DCAF6: variants seen among roughly 807,000 people sequenced by gnomAD.
DCAF6 encodes DDB1 and CUL4 associated factor 6, also known as DDB1- and CUL4-associated factor 6.
DCAF6 carries 54 observed loss-of-function variants against 125.1 expected under a neutral mutation model. The ratio of observed to expected loss-of-function variants is 0.43; its 90% CI spans 0.35 to 0.54. The LOEUF is 0.54. Ranked by LOEUF, DCAF6 falls within the 20% of genes least tolerant of loss-of-function variation. The pLI is 0.01. For synonymous variants in DCAF6, 371 were observed against 390.4 expected (o/e 0.95, Z 0.58); for missense variants, 934 against 1,161.7 (o/e 0.80, Z 2.85).
chr1:168,011,914 A>G (rs960259090), intron 10 of DCAF6, among the ~76,000 whole-genome samples: 2 of 152,192 alleles, frequency 1.3e-5, no homozygotes, highest in Non-Finnish European at 2.9e-5. Flanking sequence ...CAGAGGTTGC[A>G]GTGAGCCGAG....
intron 7 of DCAF6, among the ~76,000 whole-genome samples, chr1:167,994,087 ATAAT>A (rs1197086388): frequency 1.3e-5 from 2 of 151,974 alleles, no homozygotes; most frequent in Non-Finnish European, 2.9e-5. Flanking sequence ...TTAATAGTAA[ATAAT>A]TACTAGCGTC....
intron 1 of DCAF6, among the ~76,000 whole-genome samples, chr1:167,939,439 T>G (rs1488861600): frequency 1.3e-5 from 2 of 152,176 alleles, no homozygotes; most frequent in Non-Finnish European, 2.9e-5. Context: ...TAATTTTATT[T>G]TTATTATTAG....
intron 16 of DCAF6, among the ~76,000 whole-genome samples, 182 bp downstream of exon 16, chr1:168,045,409 C>T (rs1689044094): frequency 6.6e-6 from 1 of 152,136 alleles, no homozygotes; most frequent in African/African-American, 2.4e-5. Flanking sequence ...ATTCTTTGAG[C>T]ACTGTGCATT....
chr1:168,038,357 A>C lies in DCAF6; in HGVS notation c.1610-14A>C, dbSNP rs767281011. ...TTCAGAGACTTTTTCAAATGTTTTA[A>C]ACACAATTTTCAGATAACAATAATG... On this transcript the variant is annotated splice_polypyrimidine_tract_variant and intron_variant, in intron 12 of 21. Transcript: ENST00000367840. 1.0e-5 allele frequency: 16 copies of C among 1,588,744 alleles called. No homozygotes were observed. The Middle Eastern group carries it at 8.3e-4, about 83-fold the overall frequency.
In DCAF6 at chr1:168,041,286, C is replaced by T. The variant is rs182726347; in HGVS notation, c.1728-1739C>T. Among the ~76,000 whole-genome samples the T allele has an allele frequency of 6.6e-5, 10 of 151,988 alleles. No individual in the cohort carries two copies. In the East Asian group the frequency reaches 1.5e-3, roughly 24 times the overall value. ...TATGGTGTTTATCTTTTTCTTATTG[C>T]GTTATTAGAGCTATTTATTTATTAT... is the stretch of plus-strand genomic sequence containing the variant. On this transcript the variant is annotated intron_variant, in intron 13 of 21. Coordinates refer to ENST00000367840, the MANE Select transcript of DCAF6 (RefSeq NM_001198956.2).
Position 168,038,441 on chromosome 1 carries a change from A to C in DCAF6, c.1680A>C (p.Thr560=), listed in dbSNP as rs559853033. Residue 560 remains threonine (T), a synonymous_variant, in exon 13 of 22, where the codon ACA becomes ACC. Transcript: ENST00000367840. The part of the protein sequence containing the change: ...GEPVLSLHYS[T]EGTTTSTIKL... ...CAGTTTTAAGTTTGCACTACAGCAC[A>C]GAAGGAACAACTACAAGCACAATAA... The C allele has an allele frequency of 3.7e-6, 6 of 1,611,154 alleles. No individual in the cohort carries two copies. Among genetic ancestry groups the C allele is most frequent in the East Asian group, 4.5e-5 (2 of 44,760 alleles).
At chr1:167,982,566 C>T (rs1192985913) in intron 4 of DCAF6, among the ~76,000 whole-genome samples, 3 of 152,054 alleles carry the variant, frequency 2.0e-5, no homozygotes, top group Admixed American at 6.6e-5. Context: ...ATTAAACCTT[C>T]GTCAGGTGCA....
At chr1:167,991,552 A>G (rs992047564) in intron 6 of DCAF6, among the ~76,000 whole-genome samples, 1 of 152,228 alleles carries the variant, frequency 6.6e-6, no homozygotes, top group Non-Finnish European at 1.5e-5. Flanking sequence ...CATTTGATGT[A>G]TTAGTTTGGC....
At position 168,045,143 on chromosome 1, in the gene DCAF6, A is replaced by C; in HGVS notation, c.2174A>C (p.Asp725Ala). The C allele has an allele frequency of 6.2e-7, 1 of 1,613,900 alleles. No homozygotes were observed. The highest frequency in any genetic ancestry group is 8.5e-7 in the Non-Finnish European group (1 of 1,179,922). ...GCTCATGAAGAAACATCCACCAGGG[A>C]CTCTGCTCTTCAGGACACAGATGAC... The part of the protein sequence containing the change: ...PSAHEETSTR[D>A]SALQDTDDSD... The change falls in exon 16 of 22, where the codon GAC (aspartate) becomes GCC (alanine). Residue 725 changes from aspartate (D) to alanine (A), a missense_variant. Asp to Ala is a moderately radical substitution (Grantham distance 126). Coordinates refer to ENST00000367840, the MANE Select transcript of DCAF6 (RefSeq NM_001198956.2).
intron 1 of DCAF6, among the ~76,000 whole-genome samples, chr1:167,937,708 TGGG>T (rs1488227024): frequency 6.6e-6 from 1 of 152,116 alleles, no homozygotes; most frequent in East Asian, 1.9e-4. Flanking sequence ...CTTCAGTACT[TGGG>T]GGAACAGTAT....
At chr1:167,947,494 T>C (rs757338856) in intron 1 of DCAF6, among the ~76,000 whole-genome samples, 2 of 152,176 alleles carry the variant, frequency 1.3e-5, no homozygotes, top group Non-Finnish European at 2.9e-5. Flanking sequence ...CTTTTTGATG[T>C]AGGAATTTAT....
the DCAF6 span, among the ~76,000 whole-genome samples, chr1:167,886,375 T>G: frequency 1.3e-5 from 2 of 152,066 alleles, no homozygotes; most frequent in Middle Eastern, 6.8e-3. Flanking sequence ...ATGGAACAGA[T>G]CCCTCAGAAA....
At chr1:168,065,983 T>C (rs1692275937) in intron 19 of DCAF6, among the ~76,000 whole-genome samples, 1 of 152,226 alleles carries the variant, frequency 6.6e-6, no homozygotes, top group African/African-American at 2.4e-5. Flanking sequence ...TTCTAAGTTT[T>C]ACAAGCTGTA....
At chr1:168,047,716 A>G (rs899613438) in intron 16 of DCAF6, among the ~76,000 whole-genome samples, 10 of 151,748 alleles carry the variant, frequency 6.6e-5, no homozygotes, top group South Asian at 2.1e-4. Context: ...GTGTGTGTGT[A>G]TATATATATA....
At chr1:168,001,782 A>C (rs1682674641) in intron 7 of DCAF6, among the ~76,000 whole-genome samples, 1 of 152,182 alleles carries the variant, frequency 6.6e-6, no homozygotes, top group Non-Finnish European at 1.5e-5. Context: ...AATAAAAAGC[A>C]CAGATGGAGA....
rs2102891745 is a variant in DCAF6 at position 167,974,933 on chromosome 1, T to A, written c.356T>A (p.Val119Glu). 1 of 1,609,504 alleles carries A rather than the reference T, an allele frequency of 6.2e-7. No individual in the cohort carries two copies. Among genetic ancestry groups the A allele is most frequent in the South Asian group, 1.1e-5 (1 of 89,826 alleles). ...KQIVSCSGDG[V>E]IFYTNVEQDA... is the part of the protein sequence containing the mutation. ...ATTGTATCCTGCTCTGGAGATGGAG[T>A]AATATTTTATACCAACGTTGAGCAA... Residue 119 changes from valine to glutamate, a missense_variant, in exon 4 of 22, where the codon GTA becomes GAA. By Grantham distance (121) the Val-to-Glu change is moderately radical. Coordinates refer to ENST00000367840, the MANE Select transcript of DCAF6 (RefSeq NM_001198956.2).
At chr1:167,874,980 G>A in the DCAF6 span, 1 of 741,978 alleles carries the variant, frequency 1.3e-6, no homozygotes, top group East Asian at 2.7e-5. Context: ...TAATCCTGGT[G>A]TATTGCTATT....
At chr1:168,028,580 T>C (rs74516268) in intron 12 of DCAF6, among the ~76,000 whole-genome samples, 1 of 152,198 alleles carries the variant, frequency 6.6e-6, no homozygotes, top group Admixed American at 6.5e-5. Context: ...AATTTTCCAC[T>C]ATGTATCATT....
At chr1:167,909,933 ACTG>A in the DCAF6 span, among the ~76,000 whole-genome samples, 2 of 148,090 alleles carry the variant, frequency 1.4e-5, no homozygotes, top group Non-Finnish European at 3.0e-5. Context: ...AGCCGGCGCC[ACTG>A]ATGACCAGGT....
Sources: gnomAD v4.1 joint callset for allele counts (sites outside exome capture counted in the v4.1 genomes callset) on GRCh38, gnomAD v4.1.1 for gene constraint, MANE v1.5 for transcripts, NCBI Gene and HGNC (gene_info 2026-07-23, HGNC 2026-07-21) for gene names.